Variants in USP3 observed in about 807,000 individuals in gnomAD.
The protein encoded by USP3 is ubiquitin carboxyl-terminal hydrolase 3.
Under a neutral mutation model 72.3 loss-of-function variants are expected in USP3, and 20 were observed. The observed-to-expected ratio is 0.28, with a 90% CI of 0.19 to 0.40. The LOEUF is 0.40. Ranked by LOEUF, USP3 falls within the 10% of genes least tolerant of loss-of-function variation. The pLI is 1.00. For missense variants in USP3, 479 were observed against 633.9 expected (o/e 0.76, Z 2.62); for synonymous variants, 222 against 225.3 (o/e 0.99, Z 0.13).
chr15:63,531,259 G>C (rs2066070641), intron 1 of USP3, among the ~76,000 whole-genome samples: 1 of 152,194 alleles, frequency 6.6e-6, no homozygotes, highest in African/African-American at 2.4e-5. Flanking sequence ...GGAACCAGTA[G>C]TAAGATGGTA....
intron 1 of USP3, among the ~76,000 whole-genome samples, chr15:63,516,725 T>C (rs2065855151): frequency 6.6e-6 from 1 of 152,004 alleles, no homozygotes; most frequent in Non-Finnish European, 1.5e-5. Context: ...TATAATTCTT[T>C]AAGGTATTCT....
At chr15:63,539,256 A>T (rs560961428) in intron 3 of USP3, among the ~76,000 whole-genome samples, 3 of 152,110 alleles carry the variant, frequency 2.0e-5, no homozygotes, top group East Asian at 1.9e-4. Flanking sequence ...TCTGTCTCAC[A>T]TTGTCATGGG....
At chr15:63,585,619 AT>A (rs977498782) in intron 11 of USP3, among the ~76,000 whole-genome samples, 4 of 152,216 alleles carry the variant, frequency 2.6e-5, no homozygotes, top group Non-Finnish European at 5.9e-5. Context: ...AAAATTTTTA[AT>A]TTTAATGAAG....
intron 2 of USP3, among the ~76,000 whole-genome samples, chr15:63,534,359 A>G (rs997852672): frequency 8.5e-5 from 13 of 152,200 alleles, no homozygotes; most frequent in African/African-American, 3.1e-4. Context: ...TCTTCCCACT[A>G]GGAAACATAG....
chr15:63,534,390 G>A (rs774824390), intron 2 of USP3, among the ~76,000 whole-genome samples: 1 of 152,020 alleles, frequency 6.6e-6, no homozygotes, highest in Non-Finnish European at 1.5e-5. Context: ...GCATATATGG[G>A]TTATAAATTC....
chr15:63,590,987 A>G lies in USP3; in HGVS notation c.*161A>G. On this transcript the variant is annotated 3_prime_UTR_variant, in exon 15 of 15. Coordinates refer to ENST00000380324, the MANE Select transcript of USP3 (RefSeq NM_006537.4). ...GACTTACTGAACATGGGCACCAACTAATTTTGTTGTTGTTCTACCAGAAAA... is the reference window on the plus strand; with the variant it reads ...GACTTACTGAACATGGGCACCAACTGATTTTGTTGTTGTTCTACCAGAAAA... 2 of 823,410 alleles carry G rather than the reference A, an allele frequency of 2.4e-6. No individual in the cohort carries two copies. Among genetic ancestry groups the G allele is most frequent in the Non-Finnish European group, 3.4e-6 (2 of 590,162 alleles). 51.0% of individuals were successfully genotyped at this position (823,410 alleles called of 1,614,324 possible).
chr15:63,507,290 C>T (rs973587477), intron 1 of USP3, among the ~76,000 whole-genome samples: 1 of 152,134 alleles, frequency 6.6e-6, no homozygotes, highest in Admixed American at 6.5e-5. Flanking sequence ...GACAGCCAAG[C>T]AAATTGCAAA....
Position 63,562,970 on chromosome 15 carries a change from CTTATTT to C in USP3, c.725_730del (p.Leu242_Phe243del). On this transcript the variant is annotated inframe_deletion, in exon 8 of 15. Coordinates refer to ENST00000380324, the MANE Select transcript of USP3 (RefSeq NM_006537.4). ...GCCAGACTGCATTTAGCCCAGAGTC[CTTATTT>C]TATGTTGTTTGGAAGATTATGCCAA... is the stretch of plus-strand genomic sequence containing the variant. 1 of 1,611,774 alleles carries C rather than the reference CTTATTT, an allele frequency of 6.2e-7. No homozygotes were observed.
intron 1 of USP3, among the ~76,000 whole-genome samples, chr15:63,506,373 A>G (rs1268214046): frequency 6.6e-6 from 1 of 151,776 alleles, no homozygotes; most frequent in South Asian, 2.1e-4. Flanking sequence ...ATTTGAAGAA[A>G]AAAAAAAAGA....
chr15:63,518,131 A>G (rs1379898704), intron 1 of USP3, among the ~76,000 whole-genome samples: 2 of 152,110 alleles, frequency 1.3e-5, no homozygotes, highest in African/African-American at 4.8e-5. Context: ...CTTATTAGTT[A>G]CTCAGAGTTA....
intron 3 of USP3, chr15:63,542,333 T>G: frequency 2.9e-6 from 1 of 346,454 alleles, no homozygotes; most frequent in Non-Finnish European, 4.1e-6. Flanking sequence ...GACTGCTAGC[T>G]ACTATTGGAC....
chr15:63,581,788 A>G (rs1261273807), intron 11 of USP3, among the ~76,000 whole-genome samples: 1 of 151,834 alleles, frequency 6.6e-6, no homozygotes, highest in Non-Finnish European at 1.5e-5. Context: ...TCAACCTCTT[A>G]GTCTGAGGTG....
rs1013311732 is a variant in USP3 at position 63,556,707 on chromosome 15, T to C, written c.409T>C (p.Leu137=). The part of the protein sequence containing the change: ...TADRHKKRKL[L]ENSTLNSKLL... ...TGACAGGCATAAGAAAAGAAAACTTTTGGAAAACTCAACACTAAACAGCAA... is the reference window on the plus strand; with the variant it reads ...TGACAGGCATAAGAAAAGAAAACTTCTGGAAAACTCAACACTAAACAGCAA... The change falls in exon 5 of 15, where the codon TTG becomes CTG. Residue 137 remains leucine (L), a synonymous_variant. Coordinates refer to ENST00000380324, the MANE Select transcript of USP3 (RefSeq NM_006537.4). 4 of 1,608,832 alleles carry C rather than the reference T, an allele frequency of 2.5e-6. No homozygotes were observed. The highest frequency in any genetic ancestry group is 1.3e-5 in the African/African-American group (1 of 74,786).
intron 1 of USP3, among the ~76,000 whole-genome samples, chr15:63,519,826 A>G (rs1394644318): frequency 1.3e-5 from 2 of 152,142 alleles, no homozygotes; most frequent in African/African-American, 4.8e-5. Flanking sequence ...TCCCCTGCTT[A>G]CTATTAATTT....
rs150294306 is a variant in USP3 at position 63,581,845 on chromosome 15, CTTGTGTTTT to C, written c.1097-6455_1097-6447del. ...GGGACTACAGGCACATGCTGCAATG[CTTGTGTTTT>C]TTGTATTTTTTGTAGACACAGGGTT... On this transcript the variant is annotated intron_variant, in intron 11 of 14. Transcript: ENST00000380324. 9.2e-4 allele frequency among the ~76,000 whole-genome samples: 140 copies of C among 151,948 alleles called. 2 individuals are homozygous for C. In the East Asian group the frequency reaches 0.025, roughly 27 times the overall value.
chr15:63,552,974 A>C (rs1401997896), intron 3 of USP3, among the ~76,000 whole-genome samples: 2 of 152,190 alleles, frequency 1.3e-5, no homozygotes, highest in African/African-American at 4.8e-5. Context: ...CCCAGGAAAA[A>C]ATTAAATGCT....
chr15:63,553,687 C>T lies in USP3; in HGVS notation c.285-28C>T. 1 of 1,602,982 alleles carries T rather than the reference C, an allele frequency of 6.2e-7. No individual in the cohort carries two copies. Among genetic ancestry groups the T allele is most frequent in the Non-Finnish European group, 8.5e-7 (1 of 1,173,808 alleles). On this transcript the variant is annotated intron_variant, in intron 3 of 14. Transcript: ENST00000380324. The surrounding 1 kb of genome is among the most constrained non-coding windows in gnomAD (Gnocchi z 4.2). ...TACTGTGGTTTCCTCAAGCTCTTTACACACATTGATTAATATTTTCCTTGC... is the reference window on the plus strand; with the variant it reads ...TACTGTGGTTTCCTCAAGCTCTTTATACACATTGATTAATATTTTCCTTGC...
chr15:63,515,019 T>G (rs1299610042), intron 1 of USP3, among the ~76,000 whole-genome samples: 1 of 152,228 alleles, frequency 6.6e-6, no homozygotes, highest in Non-Finnish European at 1.5e-5. Context: ...TTTGAAACAA[T>G]TTGAGCTCCT....
intron 11 of USP3, among the ~76,000 whole-genome samples, chr15:63,577,706 C>A (rs1020503075): frequency 6.6e-6 from 1 of 152,124 alleles, no homozygotes; most frequent in Non-Finnish European, 1.5e-5. Flanking sequence ...GAGCTGAAAT[C>A]GTGCAACCGC....
Sources: allele counts gnomAD v4.1 joint callset (sites outside exome capture counted in the v4.1 genomes callset), GRCh38; gene constraint gnomAD v4.1.1; non-coding constraint Gnocchi (gnomAD v3.1); transcripts MANE v1.5; gene names NCBI Gene and HGNC (gene_info 2026-07-23, HGNC 2026-07-21).